Variants in SLC10A2 observed in about 807,000 individuals in gnomAD.
The protein encoded by SLC10A2 is solute carrier family 10 member 2, also known as ileal sodium/bile acid cotransporter.
Under a neutral mutation model 27.1 loss-of-function variants are expected in SLC10A2, and 34 were observed. The observed-to-expected ratio is 1.26, with a 90% confidence interval of 0.96 to 1.67. SLC10A2 has a LOEUF of 1.67. Ranked by LOEUF, SLC10A2 falls within the 40% of genes most tolerant of loss-of-function variation. The pLI, the probability that SLC10A2 is intolerant of heterozygous loss-of-function variation, is 0.00. For synonymous variants in SLC10A2, 205 were observed against 174.0 expected (o/e 1.18, Z -1.40); for missense variants, 530 against 444.4 (o/e 1.19, Z -1.73).
intron 2 of SLC10A2, among the ~76,000 whole-genome samples, chr13:103,054,444 G>A (rs1875881734): frequency 6.6e-6 from 1 of 152,180 alleles, no homozygotes; most frequent in Non-Finnish European, 1.5e-5. Context: ...CATTGCCTAA[G>A]TTTTTGAAGT....
In SLC10A2 at chr13:103,052,688, C is replaced by T. The variant is rs200023797; in HGVS notation, c.517G>A (p.Val173Ile). ...AACATTCCAATGGAAACAGGAACAA[C>T]GAGAGAAACCAGAGATGTACCTAAA... ...DNIGTSLVSL[V>I]VPVSIGMFVN... Residue 173 changes from valine to isoleucine, a missense_variant, in exon 3 of 6, where the codon GTT becomes ATT. Val to Ile is a conservative substitution (Grantham distance 29). Coordinates refer to ENST00000245312, the MANE Select transcript of SLC10A2 (RefSeq NM_000452.3). The T allele has an allele frequency of 3.3e-5, 53 of 1,607,490 alleles. No homozygotes were observed. In the Middle Eastern group the frequency reaches 6.6e-4, roughly 20 times the overall value.
intron 1 of SLC10A2, among the ~76,000 whole-genome samples, chr13:103,064,380 T>TA (rs1372019427): frequency 6.6e-6 from 1 of 152,210 alleles, no homozygotes; most frequent in African/African-American, 2.4e-5. Context: ...GGTTAGATCT[T>TA]ACTGTTTTTA....
chr13:103,052,760 G>C (rs113113338), intron 2 of SLC10A2, 52 bp from the exon 3 acceptor site: 1 of 1,107,856 alleles, frequency 9.0e-7, no homozygotes, highest in South Asian at 1.2e-5. Flanking sequence ...ACACAGGAAA[G>C]AGAAAAACAG....
In SLC10A2 at chr13:103,066,406, C is replaced by T. The variant is rs540703496; in HGVS notation, c.-157G>A. On this transcript the variant is annotated 5_prime_UTR_variant, in exon 1 of 6. It adds an upstream start codon to the 5' untranslated region. Coordinates refer to ENST00000245312, the MANE Select transcript of SLC10A2 (RefSeq NM_000452.3). ...CACTTGGTGTCTCTTTTGAAAGCCA[C>T]CTTAGGGAAGTAATAAAAAACAATA... The T allele has an allele frequency of 3.0e-6, 2 of 673,086 alleles. No homozygotes were observed. Among genetic ancestry groups the T allele is most frequent in the African/African-American group, 3.6e-5 (2 of 55,936 alleles). 41.7% of individuals were successfully genotyped at this position (673,086 alleles called of 1,614,324 possible).
At chr13:103,049,511 A>G in intron 4 of SLC10A2, 65 bp from the exon 5 acceptor site, 1 of 1,524,708 alleles carries the variant, frequency 6.6e-7, no homozygotes, top group Non-Finnish European at 9.1e-7. Context: ...TGAAAAGCAG[A>G]TATAATAATA....
At chr13:103,059,265 A>G (rs892632342) in intron 1 of SLC10A2, among the ~76,000 whole-genome samples, 4 of 152,188 alleles carry the variant, frequency 2.6e-5, no homozygotes, top group Admixed American at 2.0e-4. Context: ...TCTTTTGAGA[A>G]GCATCCGTTC....
rs1876007837 is a variant in SLC10A2, at chr13:103,058,461, T to C, written c.378-79A>G. On this transcript the variant is annotated intron_variant, in intron 1 of 5. Transcript: ENST00000245312. Reference sequence around the variant, plus strand: ...GCTGTTTTATTTTTATTTTTTAATTTAACTTTTATTTTAAGTTTAGGGGTA... The same window carrying C: ...GCTGTTTTATTTTTATTTTTTAATTCAACTTTTATTTTAAGTTTAGGGGTA... The C allele has an allele frequency of 2.2e-5, 19 of 879,868 alleles. 1 individual carries two copies. Among genetic ancestry groups the C allele is most frequent in the Non-Finnish European group, 3.2e-5 (17 of 530,346 alleles). 54.5% of individuals were successfully genotyped at this position (879,868 alleles called of 1,614,324 possible). A position where few individuals can be genotyped will look rare whatever the true frequency, so the allele number is the denominator to read the frequency against.
At chr13:103,062,932 C>T (rs1335876904) in intron 1 of SLC10A2, among the ~76,000 whole-genome samples, 2 of 152,066 alleles carry the variant, frequency 1.3e-5, no homozygotes, top group Non-Finnish European at 2.9e-5. Flanking sequence ...ATGAAGACAC[C>T]GGATATTTGC....
chr13:103,051,274 A>G lies in SLC10A2; in HGVS notation c.744T>C (p.Ala248=). 6.2e-7 allele frequency: 1 copy of G among 1,614,110 alleles called. No homozygotes were observed. The highest frequency in any genetic ancestry group is 8.5e-7 in the Non-Finnish European group (1 of 1,179,994). Residue 248 remains alanine (A), a synonymous_variant, in exon 4 of 6, where the codon GCT becomes GCC. Transcript: ENST00000245312. ...YSLGFLLARI[A]GLPWYRCRTV... ...TGCCATACCTGTACCAGGGTAGACC[A>G]GCAATTCTAGCCAGAAGAAACCCCA... is the stretch of plus-strand genomic sequence containing the variant.
Position 103,066,120 on chromosome 13 carries a change from A to C in SLC10A2, c.130T>G (p.Leu44Val). 6.2e-7 allele frequency: 1 copy of C among 1,614,232 alleles called. No individual in the cohort carries two copies. The highest frequency in any genetic ancestry group is 1.1e-5 in the South Asian group (1 of 91,086). The change falls in exon 1 of 6, where the codon TTG (leucine) becomes GTG (valine). Residue 44 changes from leucine (L) to valine (V), a missense_variant. Physicochemically the swap from Leu to Val is conservative, Grantham distance 32. Transcript: ENST00000245312. ...LSTVLTILLALVMFSMGCNVE... is the reference protein window; with the variant it reads ...LSTVLTILLAVVMFSMGCNVE... Reference sequence around the variant, plus strand: ...TTGCATCCCATGGAGAACATCACCAAGGCCAACAGGATGGTCAGCACCGTA... The same window carrying C: ...TTGCATCCCATGGAGAACATCACCACGGCCAACAGGATGGTCAGCACCGTA...
chr13:103,048,170 T>C (rs992007895), intron 5 of SLC10A2, among the ~76,000 whole-genome samples: 5 of 152,084 alleles, frequency 3.3e-5, no homozygotes, highest in Non-Finnish European at 7.4e-5. Context: ...TTAGCCAGGA[T>C]GGTCTCGATC....
In SLC10A2 at chr13:103,046,236, T is replaced by C. The variant is rs1243924754; in HGVS notation, c.944A>G (p.His315Arg). 3.7e-6 allele frequency: 6 copies of C among 1,613,112 alleles called. No individual in the cohort carries two copies. The South Asian group carries it at 5.5e-5, about 15-fold the overall frequency. Residue 315 changes from histidine (H) to arginine (R), a missense_variant, in exon 6 of 6, where the codon CAT becomes CGT. By Grantham distance (29) the His-to-Arg change is conservative (BLOSUM62 0). Coordinates refer to ENST00000245312, the MANE Select transcript of SLC10A2 (RefSeq NM_000452.3). ...LGFYVAYKKCHGKNKAEIPES... is the reference protein window; with the variant it reads ...LGFYVAYKKCRGKNKAEIPES... ...TGGAATTTCTGCCTTGTTTTTTCCA[T>C]GACATTTCTTGTATGCCACATAAAC...
At position 103,045,127 on chromosome 13, in the gene SLC10A2, T is replaced by G. The variant is rs1026583714; in HGVS notation, c.*1006A>C. On this transcript the variant is annotated 3_prime_UTR_variant, in exon 6 of 6. Coordinates refer to ENST00000245312, the MANE Select transcript of SLC10A2 (RefSeq NM_000452.3). ...CTCTAGTTAAGCATTTCAACCAGGT[T>G]TCTGTTACTTGTGTTTTCTATGTAT... 6.6e-6 allele frequency: 1 copy of G among 152,242 alleles called. No homozygotes were observed. Among genetic ancestry groups the G allele is most frequent in the African/African-American group, 2.4e-5 (1 of 41,472 alleles). The allele number at this position is 152,242 out of a possible 1,614,324, so 9.4% of individuals were successfully genotyped here.
chr13:103,048,149 G>T (rs923880122), intron 5 of SLC10A2, among the ~76,000 whole-genome samples: 1 of 152,068 alleles, frequency 6.6e-6, no homozygotes, highest in African/African-American at 2.4e-5. Context: ...TAGAGATGGG[G>T]TTTCACCGTG....
intron 1 of SLC10A2, among the ~76,000 whole-genome samples, chr13:103,065,055 T>C (rs1876233949): frequency 6.6e-6 from 1 of 152,254 alleles, no homozygotes; most frequent in South Asian, 2.1e-4. Context: ...AGGAAATGCA[T>C]ACCTTTCAAG....
chr13:103,055,949 C>A (rs696915), intron 2 of SLC10A2, among the ~76,000 whole-genome samples: 1 of 152,208 alleles, frequency 6.6e-6, no homozygotes, highest in South Asian at 2.1e-4. Flanking sequence ...TCACAAGCAA[C>A]GTCCTCTTTT....
chr13:103,056,076 G>A (rs1485374136), intron 2 of SLC10A2, among the ~76,000 whole-genome samples: 1 of 152,220 alleles, frequency 6.6e-6, no homozygotes, highest in Non-Finnish European at 1.5e-5. Context: ...ACAGTAGCAG[G>A]GACAAGCTGC....
intron 1 of SLC10A2, among the ~76,000 whole-genome samples, chr13:103,059,491 T>A (rs949226065): frequency 6.6e-6 from 1 of 152,220 alleles, no homozygotes; most frequent in South Asian, 2.1e-4. Context: ...GTAATATACA[T>A]GTGCCTATGT....
chr13:103,063,103 A>G (rs1325096154), intron 1 of SLC10A2, among the ~76,000 whole-genome samples: 1 of 152,180 alleles, frequency 6.6e-6, no homozygotes, highest in Non-Finnish European at 1.5e-5. Context: ...AACTTAGGTG[A>G]AAATATATGT....
Sources: allele counts gnomAD v4.1 joint callset (sites outside exome capture counted in the v4.1 genomes callset), GRCh38; gene constraint gnomAD v4.1.1; transcripts MANE v1.5; gene names NCBI Gene and HGNC (gene_info 2026-07-23, HGNC 2026-07-21).